The following FAM91A1 variants were observed in gnomAD, a reference collection of about 807,000 sequenced individuals.
The protein encoded by FAM91A1 is protein FAM91A1.
Under a neutral mutation model 113.5 loss-of-function variants are expected in FAM91A1, and 41 were observed. That is an observed-to-expected ratio of 0.36 (90% confidence interval 0.28 to 0.47). FAM91A1 has a LOEUF of 0.47. FAM91A1 is among the 20% of genes least tolerant of loss of function. The pLI is 1.00. For missense variants in FAM91A1, 696 were observed against 1,001.2 expected, an observed-to-expected ratio of 0.70 and a Z score of 4.11; for synonymous variants, 307 against 347.9, an observed-to-expected ratio of 0.88 and a Z score of 1.31.
chr8:123,782,442 T>C (rs1815147706), intron 8 of FAM91A1, among the ~76,000 whole-genome samples: 1 of 152,214 alleles, frequency 6.6e-6, no homozygotes, highest in African/African-American at 2.4e-5. Flanking sequence ...GCACTATGGT[T>C]GGTGATATAA....
At chr8:123,782,986 A>G (rs139048957) in intron 8 of FAM91A1, among the ~76,000 whole-genome samples, 42 of 152,256 alleles carry the variant, frequency 2.8e-4, no homozygotes, top group African/African-American at 9.9e-4. Context: ...CCTGGGCAAT[A>G]TAAAGGGACC....
intron 10 of FAM91A1, 81 bp from the exon 11 acceptor site, chr8:123,785,548 A>G: frequency 1.1e-6 from 1 of 935,068 alleles, no homozygotes; most frequent in Non-Finnish European, 1.7e-6. Context: ...CTATTAGTCT[A>G]TTACACTATT....
In FAM91A1 at chr8:123,785,103, A is replaced by G. The variant is rs1412514916; in HGVS notation, c.833A>G (p.Asp278Gly). Reference sequence around the variant, plus strand: ...TAGCTTGCAAATGTCCTTGAGATTGACTTATCCCTGGTTAAGGTATGTTAT... The same window carrying G: ...TAGCTTGCAAATGTCCTTGAGATTGGCTTATCCCTGGTTAAGGTATGTTAT... ...VAELANVLEI[D>G]LSLVKNAVSM... Residue 278 changes from aspartate (D) to glycine (G), a missense_variant, in exon 10 of 24, where the codon GAC becomes GGC. Physicochemically the swap from Asp to Gly is moderately conservative, Grantham distance 94 (BLOSUM62 -1). Coordinates refer to ENST00000334705, the MANE Select transcript of FAM91A1 (RefSeq NM_144963.4). 3 of 1,590,004 alleles carry G rather than the reference A, an allele frequency of 1.9e-6. No individual in the cohort carries two copies. Among genetic ancestry groups the G allele is most frequent in the Admixed American group, 3.7e-5 (2 of 53,542 alleles).
intron 22 of FAM91A1, among the ~76,000 whole-genome samples, chr8:123,809,296 G>C (rs1367826): frequency 0.12 from 18,835 of 152,126 alleles, 2,064 homozygotes; most frequent in African/African-American, 0.3. Context: ...TGGGCATGCT[G>C]ATATGGAGTA....
At chr8:123,804,046 A>T (rs760122838) in intron 18 of FAM91A1, among the ~76,000 whole-genome samples, 3 of 152,224 alleles carry the variant, frequency 2.0e-5, no homozygotes, top group Non-Finnish European at 4.4e-5. Context: ...TTAAAACAAA[A>T]CTCAAATGAA....
rs756647928 is a variant in FAM91A1 at position 123,787,766 on chromosome 8, A to G, written c.1278+16A>G. 5 of 1,584,388 alleles carry G rather than the reference A, an allele frequency of 3.2e-6. No homozygotes were observed. Among genetic ancestry groups the G allele is most frequent in the African/African-American group, 1.4e-5 (1 of 73,746 alleles). On this transcript the variant is annotated intron_variant, in intron 14 of 23. Transcript: ENST00000334705. ...ACTAGAAAAGGTAAATGTAGATTGC[A>G]TGTAAGGGGATGTTAGGGCATTTGG...
intron 18 of FAM91A1, among the ~76,000 whole-genome samples, chr8:123,803,024 G>T (rs6990035): frequency 7.6e-4 from 115 of 152,288 alleles, no homozygotes; most frequent in African/African-American, 2.7e-3. Flanking sequence ...AAAATGAAGG[G>T]TGGCTGGGTG....
At chr8:123,810,849 T>C (rs1020526087) in intron 23 of FAM91A1, 1 of 164,420 alleles carries the variant, frequency 6.1e-6, no homozygotes, top group African/African-American at 2.4e-5. Context: ...ATCAATATTT[T>C]GGAGTTTTAC....
intron 21 of FAM91A1, 59 bp from the exon 22 acceptor site, chr8:123,808,834 T>TC: frequency 1.4e-6 from 2 of 1,433,824 alleles, no homozygotes; most frequent in Non-Finnish European, 1.9e-6. Context: ...CAGTTATATA[T>TC]AATATATACA....
intron 15 of FAM91A1, among the ~76,000 whole-genome samples, chr8:123,796,335 A>G (rs945018458): frequency 1.3e-5 from 2 of 152,356 alleles, no homozygotes; most frequent in East Asian, 3.9e-4. Context: ...CAAGCCTAAA[A>G]TAATAAATTT....
intron 1 of FAM91A1, 134 bp downstream of exon 1, chr8:123,768,908 A>T: frequency 1.1e-6 from 1 of 898,462 alleles, no homozygotes. Context: ...GGTCTTGGGG[A>T]GACGGACCTT....
At chr8:123,775,948 C>G (rs1019279008) in intron 3 of FAM91A1, among the ~76,000 whole-genome samples, 2 of 151,960 alleles carry the variant, frequency 1.3e-5, no homozygotes, top group East Asian at 1.9e-4. Context: ...CTGGGTGACA[C>G]AGTGAGACTG....
rs756647928 is a variant in FAM91A1 at position 123,787,766 on chromosome 8, A to C, written c.1278+16A>C. ...ACTAGAAAAGGTAAATGTAGATTGC[A>C]TGTAAGGGGATGTTAGGGCATTTGG... is the stretch of plus-strand genomic sequence containing the variant. On this transcript the variant is annotated intron_variant, in intron 14 of 23. Coordinates refer to ENST00000334705, the MANE Select transcript of FAM91A1 (RefSeq NM_144963.4). The C allele has an allele frequency of 6.3e-7, 1 of 1,584,506 alleles. No individual in the cohort carries two copies.
chr8:123,785,018 A>G, intron 9 of FAM91A1, 63 bp from the exon 10 acceptor site: 4 of 1,262,130 alleles, frequency 3.2e-6, no homozygotes, highest in Non-Finnish European at 4.4e-6. Flanking sequence ...TTGGTCTATT[A>G]CAACTGTGTA....
intron 15 of FAM91A1, among the ~76,000 whole-genome samples, chr8:123,792,361 T>C (rs1815405095): frequency 6.6e-6 from 1 of 152,218 alleles, no homozygotes; most frequent in Non-Finnish European, 1.5e-5. Flanking sequence ...ACTAGTGTCT[T>C]AGTCCTAGGA....
At chr8:123,797,966 T>C (rs1364152769) in intron 15 of FAM91A1, 124 bp from the exon 16 acceptor site, 1 of 1,131,840 alleles carries the variant, frequency 8.8e-7, no homozygotes, top group African/African-American at 1.6e-5. Context: ...TACTTCTTAA[T>C]AGAGTTACTT....
rs1253114059 is a variant in FAM91A1, at chr8:123,778,772, G to A, written c.549G>A (p.Lys183=). The A allele has an allele frequency of 2.7e-6, 4 of 1,477,254 alleles. No individual in the cohort carries two copies. Among genetic ancestry groups the A allele is most frequent in the South Asian group, 1.5e-5 (1 of 68,810 alleles). The allele number at this position is 1,477,254 out of a possible 1,614,324, so 91.5% of individuals were successfully genotyped here. ...GCTATATCACAGAAGATGACATCAA[G>A]GTAGAAATCTTTAAAAGTTAAACAT... The part of the protein sequence containing the change: ...QAGYITEDDI[K]ICTLPEKCAV... Residue 183 remains lysine (K), a splice_region_variant and synonymous_variant, in exon 6 of 24, where the codon AAG becomes AAA. Coordinates refer to ENST00000334705, the MANE Select transcript of FAM91A1 (RefSeq NM_144963.4).
In FAM91A1 at chr8:123,787,358, G is replaced by A. The variant is rs1311722798; in HGVS notation, c.1176G>A (p.Met392Ile). The A allele has an allele frequency of 6.2e-7, 1 of 1,610,990 alleles. No homozygotes were observed. Among genetic ancestry groups the A allele is most frequent in the Non-Finnish European group, 8.5e-7 (1 of 1,179,234 alleles). The change falls in exon 13 of 24, where the codon ATG (methionine) becomes ATA (isoleucine). Residue 392 changes from methionine (M) to isoleucine (I), a missense_variant. Coordinates refer to ENST00000334705, the MANE Select transcript of FAM91A1 (RefSeq NM_144963.4). ...FDSTLTAFLM[M>I]GNLSPNLKSH... ...CCACTCTTACTGCCTTCTTAATGAT[G>A]GGAAATCTTTCACCAGTAAGCCCAA...
intron 18 of FAM91A1, among the ~76,000 whole-genome samples, chr8:123,803,495 G>T (rs551897134): frequency 6.6e-6 from 1 of 151,936 alleles, no homozygotes; most frequent in South Asian, 2.1e-4. Context: ...TAGAGACAGG[G>T]TTTCACCATG....
Sources: gnomAD v4.1 joint callset for allele counts (sites outside exome capture counted in the v4.1 genomes callset) on GRCh38, gnomAD v4.1.1 for gene constraint, MANE v1.5 for transcripts, NCBI Gene and HGNC (gene_info 2026-07-23, HGNC 2026-07-21) for gene names.